Variants in XRCC5 observed in about 807,000 individuals in gnomAD.
The protein encoded by XRCC5 is X-ray repair cross complementing 5.
In XRCC5, 12 loss-of-function variants were observed where a neutral mutation model predicts 95.7. That is an observed-to-expected ratio of 0.13 (90% confidence interval 0.08 to 0.20). XRCC5 has a LOEUF of 0.20. Ranked by LOEUF, XRCC5 falls within the 10% of genes least tolerant of loss-of-function variation. The probability of loss-of-function intolerance (pLI) is 1.00; values close to 1 mark genes in which losing one functional copy is unlikely to be tolerated. For synonymous variants in XRCC5, 281 were observed against 290.3 expected (o/e 0.97, Z 0.33); for missense variants, 595 against 873.9 (o/e 0.68, Z 4.02).
intron 14 of XRCC5, 71 bp downstream of exon 14, chr2:216,148,347 G>T: frequency 2.8e-6 from 4 of 1,421,988 alleles, no homozygotes; most frequent in Non-Finnish European, 3.8e-6. Flanking sequence ...AGTGGCTCTG[G>T]AAGTGTCACA....
At chr2:216,150,447 A>G (rs377113904) in intron 14 of XRCC5, among the ~76,000 whole-genome samples, 10 of 152,260 alleles carry the variant, frequency 6.6e-5, no homozygotes, top group African/African-American at 9.6e-5. Flanking sequence ...TCATTAGGCA[A>G]TTTCGTTGTG....
chr2:216,151,325 A>G (rs1574467634), intron 14 of XRCC5, among the ~76,000 whole-genome samples: 1 of 152,220 alleles, frequency 6.6e-6, no homozygotes, highest in East Asian at 1.9e-4. Context: ...TGGACGGGGA[A>G]CTTGCATGAG....
chr2:216,189,227 T>C (rs1179009392), intron 16 of XRCC5, among the ~76,000 whole-genome samples: 1 of 152,256 alleles, frequency 6.6e-6, no homozygotes, highest in Non-Finnish European at 1.5e-5. Flanking sequence ...GCTAGAATGC[T>C]CACAGGAGGC....
At chr2:216,121,814 T>TA (rs1696817730) in intron 5 of XRCC5, among the ~76,000 whole-genome samples, 1 of 152,186 alleles carries the variant, frequency 6.6e-6, no homozygotes, top group South Asian at 2.1e-4. Context: ...CTGGACTTCC[T>TA]AAGGCCTTGT....
Position 216,127,661 on chromosome 2 carries a change from G to C in XRCC5, c.924G>C (p.Glu308Asp). 1 of 1,603,400 alleles carries C rather than the reference G, an allele frequency of 6.2e-7. No individual in the cohort carries two copies. The highest frequency in any genetic ancestry group is 1.8e-5 in the Admixed American group (1 of 57,126). Residue 308 changes from glutamate (E) to aspartate (D), a missense_variant, in exon 8 of 21, where the codon GAG becomes GAC. Glu to Asp is a conservative substitution (Grantham distance 45). Transcript: ENST00000392132. The part of the protein sequence containing the change: ...NDDDETEVLK[E>D]DIIQGFRYGS... ...ATGATGAAACTGAAGTTTTAAAAGA[G>C]GATATTATTCAAGGTATGTCAGTAA...
chr2:216,173,348 G>C (rs1037644136), intron 16 of XRCC5, among the ~76,000 whole-genome samples: 1 of 152,052 alleles, frequency 6.6e-6, no homozygotes, highest in Non-Finnish European at 1.5e-5. Flanking sequence ...GATGTTAGTT[G>C]TAAGTTTTAC....
rs1334792198 is a variant in XRCC5 at position 216,195,017 on chromosome 2, G to A, written c.2109+31G>A. The A allele has an allele frequency of 2.5e-6, 4 of 1,605,714 alleles. No homozygotes were observed. The South Asian group carries it at 4.4e-5, about 18-fold the overall frequency. ...GAGGGGTAAACCTTTGTCTTTAGTTGAATTATTATAGTGGACTTTATTTTC... is the reference window on the plus strand; with the variant it reads ...GAGGGGTAAACCTTTGTCTTTAGTTAAATTATTATAGTGGACTTTATTTTC... On this transcript the variant is annotated intron_variant, in intron 19 of 20. Coordinates refer to ENST00000392132, the MANE Select transcript of XRCC5 (RefSeq NM_021141.4).
chr2:216,188,856 G>A (rs951217484), intron 16 of XRCC5, among the ~76,000 whole-genome samples: 3 of 152,180 alleles, frequency 2.0e-5, no homozygotes, highest in African/African-American at 7.2e-5. Context: ...GGATACGTTG[G>A]TAAAGATTTT....
intron 17 of XRCC5, 52 bp downstream of exon 17, chr2:216,190,386 A>AGGGAAAGAGGCATACAGCATCCT: frequency 2.7e-6 from 4 of 1,489,896 alleles, no homozygotes; most frequent in Non-Finnish European, 3.7e-6. Context: ...CGACTATCAC[A>AGGGAAAGAGGCATACAGCATCCT]GGGAAAGAGG....
At chr2:216,131,957 T>A (rs1256412693) in intron 9 of XRCC5, among the ~76,000 whole-genome samples, 1 of 152,264 alleles carries the variant, frequency 6.6e-6, no homozygotes, top group Admixed American at 6.5e-5. Flanking sequence ...TGTCACCGTT[T>A]GCAGAAACCT....
intron 14 of XRCC5, among the ~76,000 whole-genome samples, chr2:216,156,118 T>C (rs964230632): frequency 2.6e-5 from 4 of 152,240 alleles, no homozygotes; most frequent in Non-Finnish European, 5.9e-5. Context: ...TAGTTATATC[T>C]AAAGAAAAAT....
chr2:216,153,699 G>A (rs207910), intron 14 of XRCC5, among the ~76,000 whole-genome samples: 127,846 of 152,208 alleles, frequency 0.84, 53,864 homozygotes, highest in East Asian at 0.91. Flanking sequence ...GTAGTTGGTA[G>A]GTGTTGGAGT....
intron 14 of XRCC5, among the ~76,000 whole-genome samples, chr2:216,157,526 C>A (rs994955277): frequency 2.0e-5 from 3 of 151,684 alleles, no homozygotes; most frequent in Non-Finnish European, 4.4e-5. Flanking sequence ...AGCCACCACG[C>A]CCGGCCAATA....
intron 4 of XRCC5, 99 bp from the exon 5 acceptor site, chr2:216,118,944 C>G: frequency 1.6e-6 from 2 of 1,260,292 alleles, no homozygotes; most frequent in South Asian, 1.3e-5. Context: ...AACTCTAGAT[C>G]CATTTCTAAG....
chr2:216,168,810 A>G lies in XRCC5; in HGVS notation c.1834+6762A>G, dbSNP rs549827255. 7.2e-5 allele frequency among the ~76,000 whole-genome samples: 11 copies of G among 152,364 alleles called. No homozygotes were observed. In the East Asian group the frequency reaches 2.1e-3, roughly 29 times the overall value. On this transcript the variant is annotated intron_variant, in intron 16 of 20. Transcript: ENST00000392132. Reference sequence around the variant, plus strand: ...CCAAGTGGACCCTAGATCGCATATAAGTTACAGTAAGTATTATTATCCCCA... The same window carrying G: ...CCAAGTGGACCCTAGATCGCATATAGGTTACAGTAAGTATTATTATCCCCA...
intron 16 of XRCC5, among the ~76,000 whole-genome samples, chr2:216,179,242 C>G (rs207942): frequency 0.62 from 94,532 of 152,132 alleles, 30,518 homozygotes; most frequent in African/African-American, 0.79. Flanking sequence ...TGTAATCTCT[C>G]CTTCTCTCTT....
chr2:216,141,430 C>T (rs1697167207), intron 13 of XRCC5, 111 bp downstream of exon 13: 2 of 1,096,822 alleles, frequency 1.8e-6, no homozygotes. Flanking sequence ...TCTGAAGGCC[C>T]CATTTGCTCT....
intron 15 of XRCC5, among the ~76,000 whole-genome samples, chr2:216,160,470 A>G (rs1431741348): frequency 6.6e-6 from 1 of 152,168 alleles, no homozygotes; most frequent in Non-Finnish European, 1.5e-5. Flanking sequence ...AGTCAAAATG[A>G]TAGGATAAGT....
intron 16 of XRCC5, among the ~76,000 whole-genome samples, chr2:216,162,463 A>G (rs1688971264): frequency 6.7e-6 from 1 of 149,794 alleles, no homozygotes; most frequent in Non-Finnish European, 1.5e-5. Context: ...GTGCAATGGC[A>G]TGATTTCAGC....
Sources: allele counts gnomAD v4.1 joint callset (sites outside exome capture counted in the v4.1 genomes callset), GRCh38; gene constraint gnomAD v4.1.1; transcripts MANE v1.5; gene names NCBI Gene and HGNC (gene_info 2026-07-23, HGNC 2026-07-21).